The following LINGO2 variants were observed in gnomAD, a reference collection of about 807,000 sequenced individuals.
The protein encoded by LINGO2 is leucine rich repeat and Ig domain containing 2.
LINGO2 carries 14 observed loss-of-function variants against 30.6 expected under a neutral mutation model. That is an observed-to-expected ratio of 0.46 (90% CI 0.30 to 0.72). LINGO2 has a LOEUF of 0.72. Among genes scored for constraint, LINGO2 ranks in the 30% least tolerant of loss-of-function variants. The pLI, the probability that LINGO2 is intolerant of heterozygous loss-of-function variation, is 0.07. For missense variants in LINGO2, 729 were observed against 751.7 expected, an observed-to-expected ratio of 0.97 and a Z score of 0.35; for synonymous variants, 317 against 288.5, an observed-to-expected ratio of 1.10 and a Z score of -1.00.
chr9:28,182,957 G>T (rs1322512950), intron 4 of LINGO2, among the ~76,000 whole-genome samples: 1 of 152,104 alleles, frequency 6.6e-6, no homozygotes, highest in African/African-American at 2.4e-5. Flanking sequence ...CCATTACAGG[G>T]TATATACCCA....
intron 1 of LINGO2, among the ~76,000 whole-genome samples, chr9:28,603,242 T>C (rs1825562493): frequency 1.3e-5 from 2 of 152,064 alleles, no homozygotes; most frequent in Non-Finnish European, 2.9e-5. Flanking sequence ...ATGACTTGTA[T>C]TTTAAATAAT....
At chr9:28,176,649 G>A (rs1828758912) in intron 4 of LINGO2, among the ~76,000 whole-genome samples, 1 of 152,098 alleles carries the variant, frequency 6.6e-6, no homozygotes, top group Non-Finnish European at 1.5e-5. Context: ...ACAAGCCAAT[G>A]AGGCAGATAT....
At chr9:27,943,805 G>T (rs1823261739), downstream of LINGO2, 1 of 152,168 alleles carries the variant, frequency 6.6e-6, no homozygotes, top group Non-Finnish European at 1.5e-5. Context: ...GCAAGAATGT[G>T]GGGGAATACC....
chr9:28,997,236 C>A, the LINGO2 span, among the ~76,000 whole-genome samples: 2 of 151,826 alleles, frequency 1.3e-5, no homozygotes, highest in African/African-American at 2.4e-5. Flanking sequence ...CAAGACCAGC[C>A]TGGGCAACAC....
intron 4 of LINGO2, among the ~76,000 whole-genome samples, chr9:28,218,518 A>G (rs1397018690): frequency 6.6e-6 from 1 of 152,082 alleles, no homozygotes; most frequent in Non-Finnish European, 1.5e-5. Flanking sequence ...AACAGATGTG[A>G]CAAAGCCATG....
the LINGO2 span, among the ~76,000 whole-genome samples, chr9:29,170,676 C>T: frequency 6.6e-6 from 1 of 151,840 alleles, no homozygotes; most frequent in Non-Finnish European, 1.5e-5. Flanking sequence ...TATTTGTCAC[C>T]TATGTAAGAG....
chr9:28,117,315 G>A (rs1367619682), intron 4 of LINGO2, among the ~76,000 whole-genome samples: 1 of 147,222 alleles, frequency 6.8e-6, no homozygotes, highest in Non-Finnish European at 1.5e-5. Context: ...TCTCTTCAAA[G>A]CTGTCAGACA....
intron 4 of LINGO2, among the ~76,000 whole-genome samples, chr9:28,171,182 A>G (rs1828570839): frequency 6.6e-6 from 1 of 152,210 alleles, no homozygotes; most frequent in South Asian, 2.1e-4. Flanking sequence ...TCTCTACCAC[A>G]ATAAATGAAA....
At chr9:28,842,995 T>C in the LINGO2 span, among the ~76,000 whole-genome samples, 2 of 151,834 alleles carry the variant, frequency 1.3e-5, no homozygotes, top group African/African-American at 4.9e-5. Context: ...CCTAATGATA[T>C]ACAATGGGTG....
intron 2 of LINGO2, among the ~76,000 whole-genome samples, chr9:28,469,457 T>C (rs371823302): frequency 6.6e-6 from 1 of 152,046 alleles, no homozygotes; most frequent in African/African-American, 2.4e-5. Flanking sequence ...CATGAATCTA[T>C]AAGCCCAAGA....
At chr9:29,111,701 T>C in the LINGO2 span, among the ~76,000 whole-genome samples, 2 of 151,630 alleles carry the variant, frequency 1.3e-5, no homozygotes, top group East Asian at 1.9e-4. Context: ...ATTCTACCTA[T>C]GCAGAATGAC....
chr9:28,797,257 C>T, the LINGO2 span, among the ~76,000 whole-genome samples: 3 of 147,240 alleles, frequency 2.0e-5, no homozygotes, highest in South Asian at 4.3e-4. Context: ...TATACTTTAT[C>T]CTCAAAGAAT....
chr9:29,180,358 A>G, the LINGO2 span, among the ~76,000 whole-genome samples: 1 of 152,222 alleles, frequency 6.6e-6, no homozygotes, highest in Non-Finnish European at 1.5e-5. Context: ...TTCCCACGTT[A>G]TACATGCGAG....
At chr9:28,133,965 G>T (rs1379860547) in intron 4 of LINGO2, among the ~76,000 whole-genome samples, 1 of 152,026 alleles carries the variant, frequency 6.6e-6, no homozygotes, top group Non-Finnish European at 1.5e-5. Context: ...TGTCCAAAAA[G>T]AACTCTCAAT....
intron 4 of LINGO2, among the ~76,000 whole-genome samples, chr9:28,091,515 T>C (rs912117474): frequency 1.3e-5 from 2 of 152,218 alleles, no homozygotes; most frequent in East Asian, 1.9e-4. Context: ...AAGCTGAAAC[T>C]GGATCCCTTC....
chr9:28,098,138 C>T (rs1301602337), intron 4 of LINGO2, among the ~76,000 whole-genome samples: 1 of 152,010 alleles, frequency 6.6e-6, no homozygotes, highest in African/African-American at 2.4e-5. Flanking sequence ...AACTCCATGT[C>T]TACTGAAAAT....
rs922929496 is a variant in LINGO2, at chr9:28,052,985, A to G, written c.-86-40580T>C. Among the ~76,000 whole-genome samples, 13 of 152,266 alleles carry G rather than the reference A, an allele frequency of 8.5e-5. No individual in the cohort carries two copies. In the East Asian group the frequency reaches 2.5e-3, roughly 29 times the overall value. ...CAGTACATGTAAGACATTATGCTAG[A>G]AAGTGGGGATAACAAGGTGACCAAT... On this transcript the variant is annotated intron_variant, in intron 4 of 5. Coordinates refer to ENST00000379992, the Ensembl canonical transcript of LINGO2.
chr9:28,100,217 C>T (rs1310799900), intron 4 of LINGO2, among the ~76,000 whole-genome samples: 1 of 152,160 alleles, frequency 6.6e-6, no homozygotes, highest in Non-Finnish European at 1.5e-5. Context: ...TGAATAAAAT[C>T]AATAGAGTCC....
At chr9:28,386,305 T>C (rs143339256) in intron 2 of LINGO2, among the ~76,000 whole-genome samples, 1,842 of 152,276 alleles carry the variant, frequency 0.012, 15 homozygotes, top group Non-Finnish European at 0.02. Context: ...GTTCTTTCAT[T>C]TGCAACTAAG....
Sources: allele counts gnomAD v4.1 joint callset (sites outside exome capture counted in the v4.1 genomes callset), GRCh38; gene constraint gnomAD v4.1.1; transcripts MANE v1.5; gene names NCBI Gene and HGNC (gene_info 2026-07-23, HGNC 2026-07-21).